The following TOR1AIP2 variants were observed in gnomAD, a reference collection of about 807,000 sequenced individuals.
TOR1AIP2 encodes torsin 1A interacting protein 2, also known as torsin-1A-interacting protein 2.
In TOR1AIP2, 20 loss-of-function variants were observed where a neutral mutation model predicts 32.6. The observed-to-expected ratio is 0.61, with a 90% CI of 0.43 to 0.89. TOR1AIP2 has a LOEUF of 0.89. TOR1AIP2 is among the 40% of genes least tolerant of loss of function. The pLI, the probability that TOR1AIP2 is intolerant of heterozygous loss-of-function variation, is 0.00. For synonymous variants in TOR1AIP2, 214 were observed against 210.8 expected (o/e 1.02, Z -0.13); for missense variants, 456 against 553.8 (o/e 0.82, Z 1.77).
At chr1:179,847,712 A>G in intron 5 of TOR1AIP2, 76 bp from the exon 6 acceptor site, 1 of 998,498 alleles carries the variant, frequency 1.0e-6, no homozygotes, top group African/African-American at 1.6e-5. Flanking sequence ...ATCTCTCACC[A>G]AACCAAAGAA....
intron 2 of TOR1AIP2, chr1:179,869,164 C>T (rs1340337912): frequency 6.6e-6 from 1 of 151,454 alleles, no homozygotes; most frequent in African/African-American, 2.4e-5. Context: ...TTAGTAGAAA[C>T]GGGGTTTCTC....
intron 2 of TOR1AIP2, among the ~76,000 whole-genome samples, chr1:179,871,098 G>C (rs570337395): frequency 1.3e-5 from 2 of 152,254 alleles, no homozygotes; most frequent in East Asian, 1.9e-4. Flanking sequence ...TGTAGGCTAA[G>C]GGCTCTTAGA....
intron 2 of TOR1AIP2, among the ~76,000 whole-genome samples, chr1:179,869,534 A>T (rs1696931070): frequency 6.6e-6 from 1 of 152,246 alleles, no homozygotes; most frequent in Admixed American, 6.5e-5. Flanking sequence ...CCAAACTTTC[A>T]CACTGTGGAC....
chr1:179,850,374 T>C (rs1212485125), intron 5 of TOR1AIP2, among the ~76,000 whole-genome samples: 2 of 152,186 alleles, frequency 1.3e-5, no homozygotes, highest in African/African-American at 4.8e-5. Flanking sequence ...TTACTCAAAG[T>C]CCTATAAAAC....
At chr1:179,860,494 CA>C in intron 3 of TOR1AIP2, 1 of 985,432 alleles carries the variant, frequency 1.0e-6, no homozygotes, top group Non-Finnish European at 1.2e-6. Flanking sequence ...AAAAACAAAA[CA>C]AAACAAGTAA....
intron 3 of TOR1AIP2, 165 bp downstream of exon 3, chr1:179,865,271 G>GTTTACCAA: frequency 3.5e-6 from 5 of 1,442,760 alleles, no homozygotes; most frequent in African/African-American, 1.4e-5. Flanking sequence ...TACAGGTTTC[G>GTTTACCAA]TTTACCAATT....
chr1:179,862,358 A>T, intron 3 of TOR1AIP2: 1 of 985,356 alleles, frequency 1.0e-6, no homozygotes, highest in Non-Finnish European at 1.2e-6. Flanking sequence ...TCTCAAAGTA[A>T]ATTTTCACTT....
intron 2 of TOR1AIP2, among the ~76,000 whole-genome samples, chr1:179,871,873 AG>A (rs1697024055): frequency 6.6e-6 from 1 of 152,232 alleles, no homozygotes; most frequent in Non-Finnish European, 1.5e-5. Context: ...GTATGAAAAA[AG>A]GAATCATTCT....
At chr1:179,856,061 T>C (rs1696291258) in intron 3 of TOR1AIP2, among the ~76,000 whole-genome samples, 1 of 151,854 alleles carries the variant, frequency 6.6e-6, no homozygotes, top group South Asian at 2.1e-4. Context: ...TGCATACCTG[T>C]AGTCCCAGCT....
rs550277192 is a variant in TOR1AIP2 at position 179,862,925 on chromosome 1, CA to C, written c.-147+2510del. 769 of 88,986 alleles carry C rather than the reference CA, an allele frequency of 8.6e-3. 1 individual carries two copies. Among genetic ancestry groups the C allele is most frequent in the African/African-American group, 0.021 (480 of 22,784 alleles). 5.5% of individuals were successfully genotyped at this position (88,986 alleles called of 1,614,324 possible). A position where few individuals can be genotyped will look rare whatever the true frequency, so the allele number is the denominator to read the frequency against. Reference sequence around the variant, plus strand: ...CCTGGGCAAGAGAGCGAGACTCCGTCAAAAAAAAAAAAAAAAAAGGGCTGGG... The same window carrying C: ...CCTGGGCAAGAGAGCGAGACTCCGTCAAAAAAAAAAAAAAAAAGGGCTGGG... On this transcript the variant is annotated intron_variant, in intron 3 of 6. Transcript: ENST00000609928.
At position 179,869,649 on chromosome 1, in the gene TOR1AIP2, T is replaced by G. The variant is rs549712561; in HGVS notation, c.-565-3795A>C. On this transcript the variant is annotated intron_variant, in intron 2 of 6. Coordinates refer to ENST00000609928, the MANE Select transcript of TOR1AIP2 (RefSeq NM_001199260.2). ...TGGATCTTTGTTTTCCTCACAAAAT[T>G]TTAAGCAACCATCTCTTCATAGAAA... is the stretch of plus-strand genomic sequence containing the variant. Among the ~76,000 whole-genome samples, 6 of 152,296 alleles carry G rather than the reference T, an allele frequency of 3.9e-5. 1 individual carries two copies. In the South Asian group the frequency reaches 6.2e-4, roughly 16 times the overall value.
intron 2 of TOR1AIP2, among the ~76,000 whole-genome samples, chr1:179,872,521 G>A (rs557341764): frequency 6.6e-6 from 1 of 152,176 alleles, no homozygotes; most frequent in East Asian, 1.9e-4. Flanking sequence ...TCACTAACTG[G>A]TGACTTATTC....
rs185313800 is a variant in TOR1AIP2, at chr1:179,848,685, C to A, written c.554-1049G>T. On this transcript the variant is annotated intron_variant, in intron 5 of 6. Transcript: ENST00000609928. ...TCATCTTCACTTATAAAGGATTGTT[C>A]CTATCACCCCAAAGAGTAGGTTCTT... Among the ~76,000 whole-genome samples the A allele has an allele frequency of 6.6e-5, 10 of 152,252 alleles. No individual in the cohort carries two copies. In the East Asian group the frequency reaches 1.7e-3, roughly 26 times the overall value.
intron 3 of TOR1AIP2, chr1:179,863,256 T>G (rs1290526590): frequency 1.0e-6 from 1 of 975,288 alleles, no homozygotes; most frequent in Non-Finnish European, 1.2e-6. Flanking sequence ...AAGCCCTGAT[T>G]TCTTCAATGG....
chr1:179,854,114 T>A (rs1055111775), intron 3 of TOR1AIP2, among the ~76,000 whole-genome samples: 2 of 152,128 alleles, frequency 1.3e-5, no homozygotes, highest in Non-Finnish European at 2.9e-5. Flanking sequence ...AACAAAAATT[T>A]TCAAAAGGAA....
At chr1:179,861,596 T>G (rs1696534558) in intron 3 of TOR1AIP2, 1 of 985,312 alleles carries the variant, frequency 1.0e-6, no homozygotes, top group Non-Finnish European at 1.2e-6. Context: ...ACTGAAACAT[T>G]CCTGATTAGT....
At chr1:179,861,478 A>G in intron 3 of TOR1AIP2, 1 of 984,684 alleles carries the variant, frequency 1.0e-6, no homozygotes, top group Non-Finnish European at 1.2e-6. Flanking sequence ...TGATGTTTGA[A>G]GGCAAAGTAA....
In TOR1AIP2 at chr1:179,871,386, AGT is replaced by A. The variant is rs1697005353; in HGVS notation, c.-565-5534_-565-5533del. On this transcript the variant is annotated intron_variant, in intron 2 of 6. Transcript: ENST00000609928. ...ACTTTCACACCAAAATAGAAAATGT[AGT>A]TCTATTTAATCCACTGAAATTTACA... 2.0e-5 allele frequency among the ~76,000 whole-genome samples: 3 copies of A among 152,372 alleles called. No individual in the cohort carries two copies. The South Asian group carries it at 6.2e-4, about 32-fold the overall frequency.
intron 3 of TOR1AIP2, among the ~76,000 whole-genome samples, chr1:179,856,283 C>T (rs1392204649): frequency 6.6e-6 from 1 of 152,184 alleles, no homozygotes; most frequent in Non-Finnish European, 1.5e-5. Flanking sequence ...CCTCAATAAA[C>T]CTTATTGCAA....
Sources: allele counts gnomAD v4.1 joint callset (sites outside exome capture counted in the v4.1 genomes callset), GRCh38; gene constraint gnomAD v4.1.1; transcripts MANE v1.5; gene names NCBI Gene and HGNC (gene_info 2026-07-23, HGNC 2026-07-21).